CHAF1A: variants seen among roughly 807,000 people sequenced by gnomAD.
CHAF1A encodes CAF-1 subunit A.
A neutral mutation model predicts 93.2 loss-of-function variants in CHAF1A; 5 were observed. The ratio of observed to expected loss-of-function variants is 0.05; its 90% CI spans 0.03 to 0.11. The LOEUF (loss-of-function observed/expected upper bound fraction) is 0.11. Ranked by LOEUF, CHAF1A falls within the 10% of genes least tolerant of loss-of-function variation. CHAF1A has a pLI of 1.00. For missense variants in CHAF1A, 1,102 were observed against 1,259.9 expected (o/e 0.87, Z 1.90); for synonymous variants, 504 against 510.3 (o/e 0.99, Z 0.17).
Position 4,433,630 on chromosome 19 carries a change from C to T in CHAF1A, c.2673+91C>T. The T allele has an allele frequency of 3.8e-6, 4 of 1,040,998 alleles. No homozygotes were observed. The highest frequency in any genetic ancestry group is 5.5e-6 in the Non-Finnish European group (4 of 727,834). The allele number at this position is 1,040,998 out of a possible 1,614,324, so 64.5% of individuals were successfully genotyped here. A position where few individuals can be genotyped will look rare whatever the true frequency, so the allele number is the denominator to read the frequency against. Reference sequence around the variant, plus strand: ...TTTGTTTTTTTTTCGAGATGGAGTCCTGCTCTGTCACCCAGGCTGGAGTGC... The same window carrying T: ...TTTGTTTTTTTTTCGAGATGGAGTCTTGCTCTGTCACCCAGGCTGGAGTGC... On this transcript the variant is annotated intron_variant, in intron 13 of 14. Coordinates refer to ENST00000301280, the MANE Select transcript of CHAF1A (RefSeq NM_005483.3). This position sits in a 1 kb window ranked among gnomAD's most constrained non-coding sequence, Gnocchi z 5.6.
Position 4,443,064 on chromosome 19 carries a change from C to T in CHAF1A, c.*39C>T. ...GTATGTAGAATGCTTAGGGTGTCCT[C>T]CCCACAGAGCAGATACTTGAACCGA... On this transcript the variant is annotated 3_prime_UTR_variant, in exon 15 of 15. Coordinates refer to ENST00000301280, the MANE Select transcript of CHAF1A (RefSeq NM_005483.3). 7.8e-7 allele frequency: 1 copy of T among 1,288,660 alleles called. No individual in the cohort carries two copies. Among genetic ancestry groups the T allele is most frequent in the South Asian group, 1.3e-5 (1 of 78,968 alleles). 79.8% of individuals were successfully genotyped at this position (1,288,660 alleles called of 1,614,324 possible). A position where few individuals can be genotyped will look rare whatever the true frequency, so the allele number is the denominator to read the frequency against.
Position 4,409,755 on chromosome 19 carries a change from G to A in CHAF1A, c.956G>A (p.Arg319His), listed in dbSNP as rs112018734. ...TSPFPTSTPL[R>H]RITKKFVKGS... ...CCCTTCCCCACCTCCACGCCCCTCCGCAGAGTGAGTATCTCCCATGGAGTC... is the reference window on the plus strand; with the variant it reads ...CCCTTCCCCACCTCCACGCCCCTCCACAGAGTGAGTATCTCCCATGGAGTC... The change falls in exon 3 of 15, where the codon CGC becomes CAC. Residue 319 changes from arginine (R) to histidine (H), a missense_variant. Arg to His is a conservative substitution (Grantham distance 29, BLOSUM62 0). Coordinates refer to ENST00000301280, the MANE Select transcript of CHAF1A (RefSeq NM_005483.3). The A allele has an allele frequency of 4.5e-5, 72 of 1,606,112 alleles. 1 individual carries two copies. The African/African-American group carries it at 5.1e-4, about 11-fold the overall frequency.
chr19:4,422,424 C>G lies in CHAF1A; in HGVS notation c.1018-142C>G. ...TCAGCCTCCCAAAGTGCTGGAATTA[C>G]AGGCGTGAGCCACCATGCCTAGCCT... On this transcript the variant is annotated intron_variant, in intron 4 of 14. Transcript: ENST00000301280. The surrounding 1 kb of genome is among the most constrained non-coding windows in gnomAD (Gnocchi z 4.6). 1 of 704,690 alleles carries G rather than the reference C, an allele frequency of 1.4e-6. No homozygotes were observed. The highest frequency in any genetic ancestry group is 2.8e-5 in the East Asian group (1 of 36,230). 43.7% of individuals were successfully genotyped at this position (704,690 alleles called of 1,614,324 possible).
chr19:4,430,284 A>G (rs1974157726), intron 10 of CHAF1A: 2 of 401,418 alleles, frequency 5.0e-6, no homozygotes, highest in South Asian at 2.4e-5. Context: ...CTCAAGTGAT[A>G]GTCCTGCCCC....
At chr19:4,416,027 A>G (rs1418126289) in intron 3 of CHAF1A, among the ~76,000 whole-genome samples, 1 of 151,980 alleles carries the variant, frequency 6.6e-6, no homozygotes, top group South Asian at 2.1e-4. Flanking sequence ...CAAAAAAATT[A>G]CCCAGGCATG....
chr19:4,445,589 A>G (rs1276808588), downstream of CHAF1A: 6 of 1,613,592 alleles, frequency 3.7e-6, no homozygotes, highest in African/African-American at 2.7e-5. Context: ...CAGCACAGCC[A>G]TGTCCCACGA....
At chr19:4,442,171 TC>T (rs200923552) in intron 13 of CHAF1A, 73 bp from the exon 14 acceptor site, 38 of 1,229,454 alleles carry the variant, frequency 3.1e-5, no homozygotes, top group South Asian at 1.1e-4. Flanking sequence ...CCTGTGGAGT[TC>T]CCCCCGCTAC....
Position 4,422,492 on chromosome 19 carries a change from T to G in CHAF1A, c.1018-74T>G. The G allele has an allele frequency of 7.4e-7, 1 of 1,355,824 alleles. No homozygotes were observed. The highest frequency in any genetic ancestry group is 1.0e-6 in the Non-Finnish European group (1 of 973,090). 84.0% of individuals were successfully genotyped at this position (1,355,824 alleles called of 1,614,324 possible). Reference sequence around the variant, plus strand: ...TCATCCCGTCCAGGCCGTGCTGTCCTCCATGCTGTGAACCGAGCTTCCTCC... The same window carrying G: ...TCATCCCGTCCAGGCCGTGCTGTCCGCCATGCTGTGAACCGAGCTTCCTCC... On this transcript the variant is annotated intron_variant, in intron 4 of 14. Transcript: ENST00000301280. This position sits in a 1 kb window ranked among gnomAD's most constrained non-coding sequence, Gnocchi z 4.6.
chr19:4,438,167 G>A (rs1382661046), intron 13 of CHAF1A, among the ~76,000 whole-genome samples: 1 of 152,008 alleles, frequency 6.6e-6, no homozygotes, highest in Non-Finnish European at 1.5e-5. Flanking sequence ...TGATTTATTG[G>A]GTACTAAGGT....
intron 13 of CHAF1A, among the ~76,000 whole-genome samples, chr19:4,438,020 C>A (rs761542661): frequency 6.6e-6 from 1 of 152,164 alleles, no homozygotes; most frequent in Non-Finnish European, 1.5e-5. Flanking sequence ...GGATTACAGG[C>A]GTGAGACACC....
chr19:4,410,868 C>T (rs1019530599), intron 3 of CHAF1A, among the ~76,000 whole-genome samples: 2 of 152,072 alleles, frequency 1.3e-5, no homozygotes, highest in African/African-American at 2.4e-5. Context: ...TTTTAAGGAC[C>T]CCATAAGGGG....
intron 13 of CHAF1A, among the ~76,000 whole-genome samples, chr19:4,437,356 C>T (rs1165422522): frequency 6.6e-6 from 1 of 152,046 alleles, no homozygotes; most frequent in African/African-American, 2.4e-5. Flanking sequence ...CCCTGGCATC[C>T]TCTGTTTTTT....
intron 7 of CHAF1A, among the ~76,000 whole-genome samples, chr19:4,425,803 G>T (rs1028128545): frequency 6.6e-6 from 1 of 152,216 alleles, no homozygotes; most frequent in Admixed American, 6.6e-5. Flanking sequence ...GCCAGAGTGC[G>T]TGCCAGATGG....
At chr19:4,437,093 G>A (rs913810540) in intron 13 of CHAF1A, among the ~76,000 whole-genome samples, 2 of 152,200 alleles carry the variant, frequency 1.3e-5, no homozygotes, top group Non-Finnish European at 2.9e-5. Context: ...CCTCTGCTGC[G>A]TGGCACAGGT....
Position 4,443,357 on chromosome 19 carries a change from G to A in CHAF1A, c.*332G>A. On this transcript the variant is annotated 3_prime_UTR_variant, in exon 15 of 15. Transcript: ENST00000301280. ...GCCTGGCCACGTGCGCGGGCCCCTG[G>A]ACCTAACGAGGCAGTGTATAAACTT... 3.0e-6 allele frequency: 1 copy of A among 328,710 alleles called. No homozygotes were observed. The highest frequency in any genetic ancestry group is 2.8e-5 in the South Asian group (1 of 35,432). The allele number at this position is 328,710 out of a possible 1,614,324, so 20.4% of individuals were successfully genotyped here.
At chr19:4,448,739 G>A, downstream of CHAF1A, 1 of 338,294 alleles carries the variant, frequency 3.0e-6, no homozygotes, top group Non-Finnish European at 5.6e-6. Context: ...CGACCTCAGT[G>A]CTGAGATCCA....
intron 1 of CHAF1A, 127 bp downstream of exon 1, chr19:4,402,941 C>T (rs1213087221): frequency 1.1e-5 from 5 of 449,720 alleles, no homozygotes; most frequent in Non-Finnish European, 3.4e-6. Flanking sequence ...GCGTTCACCC[C>T]CTGGGGCCTT....
chr19:4,436,736 C>T (rs763928149), intron 13 of CHAF1A, among the ~76,000 whole-genome samples: 1 of 152,156 alleles, frequency 6.6e-6, no homozygotes, highest in Non-Finnish European at 1.5e-5. Flanking sequence ...CCTCCTTCCC[C>T]ACCCCTCTCC....
rs971614415 is a variant in CHAF1A at position 4,441,539 on chromosome 19, C to T, written c.2674-706C>T. Among the ~76,000 whole-genome samples, 54 of 152,018 alleles carry T rather than the reference C, an allele frequency of 3.6e-4. 1 individual carries two copies. Among genetic ancestry groups the T allele is most frequent in the African/African-American group, 2.4e-4 (10 of 41,458 alleles). ...ACGAGAATCGCTTGAACCCGGGTGG[C>T]GGAGGTTGCAGTGAGCTGAGATTGT... On this transcript the variant is annotated intron_variant, in intron 13 of 14. Coordinates refer to ENST00000301280, the MANE Select transcript of CHAF1A (RefSeq NM_005483.3).
Sources: gnomAD v4.1 joint callset for allele counts (sites outside exome capture counted in the v4.1 genomes callset) on GRCh38, gnomAD v4.1.1 for gene constraint, Gnocchi (gnomAD v3.1) non-coding constraint, MANE v1.5 for transcripts, NCBI Gene and HGNC (gene_info 2026-07-23, HGNC 2026-07-21) for gene names.